The following ANKS1B variants were observed in gnomAD, a reference collection of about 807,000 sequenced individuals.
ANKS1B encodes ankyrin repeat and sterile alpha motif domain containing 1B.
In ANKS1B, 36 loss-of-function variants were observed where a neutral mutation model predicts 148.3. The ratio of observed to expected loss-of-function variants is 0.24; its 90% CI spans 0.19 to 0.32. ANKS1B has a LOEUF of 0.32. Among genes scored for constraint, ANKS1B ranks in the 10% least tolerant of loss-of-function variants. The probability of loss-of-function intolerance (pLI) is 1.00; values close to 1 mark genes in which losing one functional copy is unlikely to be tolerated. For missense variants in ANKS1B, 1,157 were observed against 1,542.6 expected (o/e 0.75, Z 4.19); for synonymous variants, 542 against 560.8 (o/e 0.97, Z 0.47).
Position 99,741,145 on chromosome 12 carries a change from T to C in ANKS1B, c.1128+31777A>G, listed in dbSNP as rs985994636. 5.3e-5 allele frequency among the ~76,000 whole-genome samples: 8 copies of C among 150,094 alleles called. 1 individual carries two copies. In the Admixed American group the frequency reaches 5.3e-4, roughly 10 times the overall value. ...ATCACTTGAACCAGGCAGTCTGAGG[T>C]TGCAGTGAGCCAAGATCACACCACA... On this transcript the variant is annotated intron_variant, in intron 8 of 26. Transcript: ENST00000683438.
intron 16 of ANKS1B, among the ~76,000 whole-genome samples, chr12:99,067,878 A>ATGTGTG (rs10632657): frequency 2.4e-4 from 36 of 149,408 alleles, no homozygotes; most frequent in South Asian, 1.5e-3. Flanking sequence ...GTGTGTGTGC[A>ATGTGTG]TGTGTGTGTG....
intron 1 of ANKS1B, among the ~76,000 whole-genome samples, chr12:99,958,680 C>T (rs1273725379): frequency 6.6e-6 from 1 of 152,138 alleles, no homozygotes; most frequent in Non-Finnish European, 1.5e-5. Context: ...CCACTGTGCC[C>T]AGCCTCTATT....
chr12:99,937,737 A>T (rs753972567), intron 1 of ANKS1B, among the ~76,000 whole-genome samples: 4 of 152,138 alleles, frequency 2.6e-5, no homozygotes, highest in Non-Finnish European at 5.9e-5. Context: ...TTCTGAGAAA[A>T]GGGGTATTTA....
chr12:99,748,081 G>A (rs1161736549), intron 8 of ANKS1B, among the ~76,000 whole-genome samples: 1 of 151,928 alleles, frequency 6.6e-6, no homozygotes, highest in South Asian at 2.1e-4. Context: ...TTATGATTGC[G>A]ACTAGCTAGC....
chr12:99,539,289 A>G lies in ANKS1B; in HGVS notation c.1273-34648T>C, dbSNP rs201346856. On this transcript the variant is annotated intron_variant, in intron 9 of 26. Coordinates refer to ENST00000683438, the MANE Select transcript of ANKS1B (RefSeq NM_001352186.2). ...AAAAAATCAACTGCATAAAGCAATA[A>G]TTACAAATCTCTGTTGATGTGCTTA... Among the ~76,000 whole-genome samples, 39 of 152,302 alleles carry G rather than the reference A, an allele frequency of 2.6e-4. No homozygotes were observed. In the East Asian group the frequency reaches 7.3e-3, roughly 29 times the overall value.
At chr12:98,999,454 A>G (rs1224560921) in intron 17 of ANKS1B, among the ~76,000 whole-genome samples, 1 of 152,168 alleles carries the variant, frequency 6.6e-6, no homozygotes, top group East Asian at 1.9e-4. Flanking sequence ...GGTGGTGATG[A>G]CAGATGTTAC....
chr12:99,367,913 T>C (rs188054298), intron 12 of ANKS1B, among the ~76,000 whole-genome samples: 1 of 152,246 alleles, frequency 6.6e-6, no homozygotes, highest in Non-Finnish European at 1.5e-5. Context: ...TTTTATATAA[T>C]TTTGACATCT....
intron 8 of ANKS1B, among the ~76,000 whole-genome samples, chr12:99,728,677 A>G (rs1377936176): frequency 6.6e-6 from 1 of 152,192 alleles, no homozygotes; most frequent in Non-Finnish European, 1.5e-5. Flanking sequence ...ACATATTATC[A>G]CTGCAGCACT....
At chr12:99,665,729 GCC>G (rs958735279) in intron 8 of ANKS1B, among the ~76,000 whole-genome samples, 16 of 151,978 alleles carry the variant, frequency 1.1e-4, no homozygotes, top group African/African-American at 3.6e-4. Flanking sequence ...CTTGTGATCC[GCC>G]CGCCTCAGCC....
chr12:99,166,204 G>A (rs1164620753), intron 14 of ANKS1B, among the ~76,000 whole-genome samples: 1 of 151,104 alleles, frequency 6.6e-6, no homozygotes, highest in Non-Finnish European at 1.5e-5. Flanking sequence ...GTTAAGTTTA[G>A]AAACAAAGCA....
At chr12:99,007,501 G>C in intron 17 of ANKS1B, among the ~76,000 whole-genome samples, 1 of 152,124 alleles carries the variant, frequency 6.6e-6, no homozygotes, top group East Asian at 1.9e-4. Context: ...CTGCTATGTC[G>C]AATCTCCCAA....
intron 22 of ANKS1B, among the ~76,000 whole-genome samples, chr12:98,790,145 ACT>A (rs1414118189): frequency 3.5e-4 from 53 of 152,206 alleles, no homozygotes; most frequent in Admixed American, 3.4e-3. Flanking sequence ...GAAAAAACAC[ACT>A]GTTTGAATCT....
intron 1 of ANKS1B, among the ~76,000 whole-genome samples, chr12:99,830,877 C>T (rs2083887450): frequency 6.6e-6 from 1 of 152,150 alleles, no homozygotes; most frequent in Non-Finnish European, 1.5e-5. Flanking sequence ...ATGACTGTTG[C>T]ATTTGAAATT....
chr12:99,532,612 G>A (rs1466757025), intron 9 of ANKS1B, among the ~76,000 whole-genome samples: 1 of 152,006 alleles, frequency 6.6e-6, no homozygotes, highest in Non-Finnish European at 1.5e-5. Flanking sequence ...CACCCACCTC[G>A]GCCTCCCAAA....
At chr12:98,947,964 T>G (rs2099847960) in intron 17 of ANKS1B, among the ~76,000 whole-genome samples, 1 of 152,166 alleles carries the variant, frequency 6.6e-6, no homozygotes, top group Non-Finnish European at 1.5e-5. Flanking sequence ...CTTCAGCTCT[T>G]CATCAGGAAC....
intron 17 of ANKS1B, 145 bp downstream of exon 17, chr12:99,053,012 T>C (rs1029906945): frequency 2.5e-5 from 18 of 709,190 alleles, no homozygotes; most frequent in Non-Finnish European, 1.3e-5. Context: ...AGACAATGAC[T>C]CTGGAGCTTG....
At chr12:99,426,176 T>G (rs914679112) in intron 11 of ANKS1B, among the ~76,000 whole-genome samples, 1 of 150,226 alleles carries the variant, frequency 6.7e-6, no homozygotes, top group African/African-American at 2.4e-5. Flanking sequence ...TTCATTAGAG[T>G]GCATTGCCTA....
intron 12 of ANKS1B, among the ~76,000 whole-genome samples, chr12:99,332,154 T>C (rs1035671288): frequency 1.9e-4 from 29 of 151,986 alleles, no homozygotes; most frequent in African/African-American, 5.8e-4. Context: ...ACCAGCAGCA[T>C]TGGCATCTCC....
chr12:99,394,909 ACT>A lies in ANKS1B; in HGVS notation c.1756+4720_1756+4721del, dbSNP rs2094195637. On this transcript the variant is annotated intron_variant, in intron 12 of 26. Coordinates refer to ENST00000683438, the MANE Select transcript of ANKS1B (RefSeq NM_001352186.2). ...TCAAAATTAACTCCTGGTATTTCTC[ACT>A]GTTTACCAAACCTTCTCTTCCCCAA... Among the ~76,000 whole-genome samples, 3 of 112,224 alleles carry A rather than the reference ACT, an allele frequency of 2.7e-5. No individual in the cohort carries two copies. In the South Asian group the frequency reaches 6.6e-4, roughly 25 times the overall value. 73.6% of individuals were successfully genotyped at this position (112,224 alleles called of 152,430 possible).
Sources: gnomAD v4.1 joint callset for allele counts (sites outside exome capture counted in the v4.1 genomes callset) on GRCh38, gnomAD v4.1.1 for gene constraint, MANE v1.5 for transcripts, NCBI Gene and HGNC (gene_info 2026-07-23, HGNC 2026-07-21) for gene names.